The following KLHL3 variants were observed in gnomAD, a reference collection of about 807,000 sequenced individuals.
KLHL3 encodes the protein kelch-like protein 3.
A neutral mutation model predicts 70.5 loss-of-function variants in KLHL3; 19 were observed. The observed-to-expected ratio is 0.27, with a 90% CI of 0.19 to 0.40. KLHL3 has a LOEUF of 0.40. Ranked by LOEUF, KLHL3 falls within the 10% of genes least tolerant of loss-of-function variation. The pLI is 1.00. For synonymous variants in KLHL3, 258 were observed against 290.3 expected, an observed-to-expected ratio of 0.89 and a Z score of 1.13; for missense variants, 512 against 771.1, an observed-to-expected ratio of 0.66 and a Z score of 3.98.
rs575329575 is a variant in KLHL3 at position 137,702,365 on chromosome 5, G to A, written c.242-3957C>T. On this transcript the variant is annotated intron_variant, in intron 3 of 14. Coordinates refer to ENST00000309755, the MANE Select transcript of KLHL3 (RefSeq NM_017415.3). ...AGTCATAGTTATTCAGAAGAGAAGT[G>A]AGAATGAGGGAAGAGTATCCCAGAC... 2.6e-5 allele frequency among the ~76,000 whole-genome samples: 4 copies of A among 152,324 alleles called. No individual in the cohort carries two copies. The South Asian group carries it at 6.2e-4, about 24-fold the overall frequency.
chr5:137,628,278 T>A lies in KLHL3; in HGVS notation c.1591+19A>T. 2 of 1,613,700 alleles carry A rather than the reference T, an allele frequency of 1.2e-6. No homozygotes were observed. Among genetic ancestry groups the A allele is most frequent in the Non-Finnish European group, 1.7e-6 (2 of 1,179,748 alleles). On this transcript the variant is annotated intron_variant, in intron 13 of 14. Coordinates refer to ENST00000309755, the MANE Select transcript of KLHL3 (RefSeq NM_017415.3). ...AGGCACACAACCCCCAAAGGGGAGA[T>A]GGAGAGAGCAGTCATTACCTGCGTT...
chr5:137,654,665 G>A (rs1245038834), intron 8 of KLHL3, among the ~76,000 whole-genome samples: 2 of 152,196 alleles, frequency 1.3e-5, no homozygotes, highest in African/African-American at 4.8e-5. Flanking sequence ...TTAAATACAG[G>A]AGAACAATGA....
rs549977532 is a variant in KLHL3 at position 137,633,003 on chromosome 5, G to T, written c.1450+1034C>A. 8.9e-4 allele frequency among the ~76,000 whole-genome samples: 135 copies of T among 152,192 alleles called. 3 individuals are homozygous for T. In the South Asian group the frequency reaches 0.027, roughly 30 times the overall value. On this transcript the variant is annotated intron_variant, in intron 12 of 14. Transcript: ENST00000309755. ...TATTACTAAAAAGTCAAAAAAGGCC[G>T]GGTGCAGTGGCTCATGCCTGCAATC...
chr5:137,651,766 G>A (rs1484650657), intron 8 of KLHL3, among the ~76,000 whole-genome samples: 1 of 152,072 alleles, frequency 6.6e-6, no homozygotes, highest in Non-Finnish European at 1.5e-5. Context: ...CAACTTTGAA[G>A]AACAAAACTG....
intron 8 of KLHL3, among the ~76,000 whole-genome samples, chr5:137,651,683 A>G (rs1213038451): frequency 6.6e-6 from 1 of 152,188 alleles, no homozygotes; most frequent in African/African-American, 2.4e-5. Flanking sequence ...CAGAACCCCT[A>G]CAAGCTTTTT....
intron 6 of KLHL3, 160 bp downstream of exon 6, chr5:137,677,385 T>G (rs1580753035): frequency 2.1e-6 from 1 of 482,642 alleles, no homozygotes; most frequent in Non-Finnish European, 3.7e-6. Context: ...GAGGCGGAGG[T>G]TGCAGTGAGC....
chr5:137,733,288 G>A (rs1392516232), intron 1 of KLHL3, among the ~76,000 whole-genome samples: 2 of 152,126 alleles, frequency 1.3e-5, no homozygotes, highest in African/African-American at 2.4e-5. Flanking sequence ...AGATAATAAG[G>A]CTGATATCCA....
At chr5:137,628,197 G>T in intron 13 of KLHL3, 100 bp downstream of exon 13, 1 of 1,446,026 alleles carries the variant, frequency 6.9e-7, no homozygotes, top group African/African-American at 1.4e-5. Flanking sequence ...TATACGCTCA[G>T]CTCCAGACCC....
chr5:137,627,485 C>T lies in KLHL3; in HGVS notation c.1591+812G>A, dbSNP rs867605627. Among the ~76,000 whole-genome samples, 11 of 129,764 alleles carry T rather than the reference C, an allele frequency of 8.5e-5. 1 individual carries two copies. The highest frequency in any genetic ancestry group is 1.6e-4 in the African/African-American group (6 of 37,210). 85.1% of individuals were successfully genotyped at this position (129,764 alleles called of 152,430 possible). ...AATTAGTAAATATCACCACCCCCCC[C>T]CCCGGTTTACACTTCCAAGTCAGCC... On this transcript the variant is annotated intron_variant, in intron 13 of 14. Transcript: ENST00000309755.
At chr5:137,643,566 T>C (rs1215120029) in intron 8 of KLHL3, among the ~76,000 whole-genome samples, 2 of 152,126 alleles carry the variant, frequency 1.3e-5, no homozygotes, top group Admixed American at 6.5e-5. Context: ...GCTTCTCTCA[T>C]AGGCATAGGA....
chr5:137,622,384 C>T (rs1457247736), intron 14 of KLHL3, among the ~76,000 whole-genome samples: 2 of 152,254 alleles, frequency 1.3e-5, no homozygotes, highest in Non-Finnish European at 2.9e-5. Context: ...TGTGTCATCA[C>T]ATGGACTCAC....
chr5:137,711,727 G>C, intron 2 of KLHL3, among the ~76,000 whole-genome samples: 1 of 152,158 alleles, frequency 6.6e-6, no homozygotes, highest in Middle Eastern at 3.2e-3. Context: ...TGTTTTAGCT[G>C]CCTTTGGGAC....
chr5:137,726,439 C>T (rs576708420), intron 1 of KLHL3, among the ~76,000 whole-genome samples: 1 of 152,182 alleles, frequency 6.6e-6, no homozygotes, highest in South Asian at 2.1e-4. Context: ...CCTATATTTC[C>T]CTTCTCTTTC....
intron 8 of KLHL3, among the ~76,000 whole-genome samples, chr5:137,651,887 T>C (rs764441362): frequency 9.9e-5 from 15 of 152,110 alleles, no homozygotes; most frequent in South Asian, 4.1e-4. Flanking sequence ...AGTCCAGAAA[T>C]AGACGAACAC....
Position 137,639,829 on chromosome 5 carries a change from A to T in KLHL3, c.1021+31T>A. 6.4e-7 allele frequency: 1 copy of T among 1,566,868 alleles called. No homozygotes were observed. Among genetic ancestry groups the T allele is most frequent in the South Asian group, 1.1e-5 (1 of 90,146 alleles). On this transcript the variant is annotated intron_variant, in intron 9 of 14. Transcript: ENST00000309755. The surrounding 1 kb of genome is among the most constrained non-coding windows in gnomAD (Gnocchi z 5.0). ...CACGGAGTGGGGACCAGCAGGGGAA[A>T]AACAGCTTGCAGAACTGGGAGGCTG...
chr5:137,665,277 T>C (rs7712661), intron 6 of KLHL3, among the ~76,000 whole-genome samples: 1,689 of 152,288 alleles, frequency 0.011, 28 homozygotes, highest in African/African-American at 0.038. Flanking sequence ...GAAATAGCCA[T>C]AAATGACTTT....
Position 137,639,568 on chromosome 5 carries a change from C to T in KLHL3, c.1021+292G>A, listed in dbSNP as rs557210709. Among the ~76,000 whole-genome samples, 1 of 152,144 alleles carries T rather than the reference C, an allele frequency of 6.6e-6. No individual in the cohort carries two copies. Among genetic ancestry groups the T allele is most frequent in the African/African-American group, 2.4e-5 (1 of 41,506 alleles). On this transcript the variant is annotated intron_variant, in intron 9 of 14. Coordinates refer to ENST00000309755, the MANE Select transcript of KLHL3 (RefSeq NM_017415.3). The surrounding 1 kb of genome is among the most constrained non-coding windows in gnomAD (Gnocchi z 5.0). ...AATTAGCTGGGCATGGTGGTGCACGCCTGTAATCCCAGCTACTTGGAAGGC... is the reference window on the plus strand; with the variant it reads ...AATTAGCTGGGCATGGTGGTGCACGTCTGTAATCCCAGCTACTTGGAAGGC...
At chr5:137,657,968 T>C (rs1751383230) in intron 8 of KLHL3, among the ~76,000 whole-genome samples, 163 bp downstream of exon 8, 1 of 152,074 alleles carries the variant, frequency 6.6e-6, no homozygotes, top group Non-Finnish European at 1.5e-5. Flanking sequence ...AAGAGAGAGG[T>C]ACCAGCAGAT....
rs148400022 is a variant in KLHL3, at chr5:137,678,021, A to G, written c.527-367T>C. ...TTCCCCTCAGAGTGCAAGCTGGTAG[A>G]GTTGCAGACAGTGCACCCTGAAGCT... On this transcript the variant is annotated intron_variant, in intron 5 of 14. Coordinates refer to ENST00000309755, the MANE Select transcript of KLHL3 (RefSeq NM_017415.3). Among the ~76,000 whole-genome samples, 994 of 152,274 alleles carry G rather than the reference A, an allele frequency of 6.5e-3. 13 individuals carry two copies. The highest frequency in any genetic ancestry group is 0.023 in the African/African-American group (946 of 41,554).
Sources: allele counts gnomAD v4.1 joint callset (sites outside exome capture counted in the v4.1 genomes callset), GRCh38; gene constraint gnomAD v4.1.1; non-coding constraint Gnocchi (gnomAD v3.1); transcripts MANE v1.5; gene names NCBI Gene and HGNC (gene_info 2026-07-23, HGNC 2026-07-21).